Variants in DAB1 observed in about 807,000 individuals in gnomAD.
DAB1 encodes the protein DAB adaptor protein 1.
In DAB1, 15 loss-of-function variants were observed where a neutral mutation model predicts 64.6. The ratio of observed to expected loss-of-function variants is 0.23; its 90% CI spans 0.16 to 0.36. The LOEUF (loss-of-function observed/expected upper bound fraction) is 0.36, where lower values mean the gene tolerates loss of function less well. Among genes scored for constraint, DAB1 ranks in the 10% least tolerant of loss-of-function variants. The pLI is 1.00. For missense variants in DAB1, 596 were observed against 706.7 expected (o/e 0.84, Z 1.78); for synonymous variants, 235 against 251.9 (o/e 0.93, Z 0.64).
intron 4 of DAB1, among the ~76,000 whole-genome samples, chr1:58,226,028 G>A (rs1659461648): frequency 1.3e-5 from 2 of 150,090 alleles, no homozygotes; most frequent in Admixed American, 6.6e-5. Context: ...AAGGGAGCTT[G>A]AGCCAGGATT....
At chr1:57,388,744 TC>T (rs1682096186) in intron 1 of DAB1, among the ~76,000 whole-genome samples, 1 of 152,198 alleles carries the variant, frequency 6.6e-6, no homozygotes, top group African/African-American at 2.4e-5. Flanking sequence ...ACAGCTCGTT[TC>T]CCCTTCTGGT....
chr1:57,233,286 G>T (rs2764662), intron 2 of DAB1, among the ~76,000 whole-genome samples: 52,385 of 92,638 alleles, frequency 0.57, 15,562 homozygotes, highest in East Asian at 0.78. Flanking sequence ...TTTTTGAGAC[G>T]GAGTCTCGCT....
chr1:58,156,443 C>T (rs917453372), intron 4 of DAB1, among the ~76,000 whole-genome samples: 1 of 152,180 alleles, frequency 6.6e-6, no homozygotes. Context: ...TCCTCCTACA[C>T]CCTCTATTTC....
At chr1:58,136,385 T>A (rs1274767737) in intron 5 of DAB1, among the ~76,000 whole-genome samples, 2 of 152,134 alleles carry the variant, frequency 1.3e-5, no homozygotes, top group Non-Finnish European at 2.9e-5. Context: ...ACGCCCTGTG[T>A]CCACCAGCCC....
intron 4 of DAB1, among the ~76,000 whole-genome samples, chr1:58,300,598 AAGAAAGAAAGAAAGAGAGAGAG>A (rs1277586531): frequency 2.0e-3 from 74 of 37,632 alleles, no homozygotes; most frequent in South Asian, 3.6e-3. Context: ...GAAAGAAAGA[AAGAAAGAAAGAAAGAGAGAGAG>A]AGAGAGAGAG....
At chr1:57,094,714 T>C (rs1653998870) in intron 4 of DAB1, among the ~76,000 whole-genome samples, 1 of 152,180 alleles carries the variant, frequency 6.6e-6, no homozygotes, top group African/African-American at 2.4e-5. Flanking sequence ...CTCCTATGAG[T>C]AGACCCACTG....
intron 5 of DAB1, among the ~76,000 whole-genome samples, chr1:58,118,381 T>C (rs535376363): frequency 6.1e-4 from 88 of 143,142 alleles, no homozygotes; most frequent in Non-Finnish European, 1.2e-3. Flanking sequence ...ACCATCTCTC[T>C]ATGCTTTGAC....
chr1:57,035,045 G>C (rs536629737), intron 9 of DAB1, among the ~76,000 whole-genome samples: 1 of 152,274 alleles, frequency 6.6e-6, no homozygotes, highest in East Asian at 1.9e-4. Context: ...TTCAATGAGA[G>C]GAAAAGCCAC....
chr1:58,127,974 A>T (rs1653245910), intron 5 of DAB1, among the ~76,000 whole-genome samples: 1 of 152,004 alleles, frequency 6.6e-6, no homozygotes, highest in Non-Finnish European at 1.5e-5. Context: ...ACTTTAAAGT[A>T]GTTTTTTCCA....
chr1:57,075,344 G>A (rs898556432), intron 4 of DAB1, among the ~76,000 whole-genome samples: 1 of 152,156 alleles, frequency 6.6e-6, no homozygotes. Context: ...ATACTGTCTT[G>A]CAGAGTGTAG....
intron 1 of DAB1, among the ~76,000 whole-genome samples, chr1:57,869,379 A>G (rs1654438472): frequency 6.6e-6 from 1 of 152,084 alleles, no homozygotes; most frequent in Non-Finnish European, 1.5e-5. Flanking sequence ...CTCCAGTTTC[A>G]AGGTCAATGC....
chr1:57,678,752 G>A (rs1306913526), intron 6 of DAB1, among the ~76,000 whole-genome samples: 1 of 147,386 alleles, frequency 6.8e-6, no homozygotes, highest in Non-Finnish European at 1.5e-5. Flanking sequence ...TTCGTCCAGT[G>A]AGGCAACTGT....
At chr1:57,165,489 G>A (rs1014419472) in intron 2 of DAB1, among the ~76,000 whole-genome samples, 4 of 152,208 alleles carry the variant, frequency 2.6e-5, no homozygotes, top group African/African-American at 9.6e-5. Flanking sequence ...GTTTAATTCA[G>A]TCAACATTTT....
intron 6 of DAB1, among the ~76,000 whole-genome samples, chr1:57,663,463 T>C (rs962464512): frequency 6.6e-6 from 1 of 152,226 alleles, no homozygotes; most frequent in African/African-American, 2.4e-5. Flanking sequence ...TCAAAGGATT[T>C]CTGGCCTCAG....
chr1:57,263,485 A>G (rs972978801), intron 2 of DAB1, among the ~76,000 whole-genome samples: 2 of 152,164 alleles, frequency 1.3e-5, no homozygotes, highest in African/African-American at 2.4e-5. Flanking sequence ...AAAATGTTTC[A>G]TGAAATACCT....
chr1:57,121,941 T>C (rs754945884), intron 4 of DAB1, among the ~76,000 whole-genome samples: 3 of 151,546 alleles, frequency 2.0e-5, no homozygotes, highest in Non-Finnish European at 2.9e-5. Flanking sequence ...TTGTGGGGGG[T>C]CAGCCGGAGA....
chr1:57,788,967 A>G (rs1364971293), intron 6 of DAB1, among the ~76,000 whole-genome samples: 1 of 151,996 alleles, frequency 6.6e-6, no homozygotes, highest in African/African-American at 2.4e-5. Context: ...CATCTCCATG[A>G]CCCCACTTCT....
chr1:57,628,211 C>A (rs1314836996), intron 7 of DAB1, among the ~76,000 whole-genome samples: 1 of 152,180 alleles, frequency 6.6e-6, no homozygotes, highest in Non-Finnish European at 1.5e-5. Context: ...CTTTGTCTGG[C>A]ACTCCAGGGA....
intron 3 of DAB1, among the ~76,000 whole-genome samples, chr1:58,356,945 G>A (rs191468479): frequency 6.8e-6 from 1 of 146,886 alleles, no homozygotes; most frequent in Admixed American, 7.1e-5. Context: ...GGATTGCTTT[G>A]TGCCCAGGGA....
Sources: allele counts gnomAD v4.1 joint callset (sites outside exome capture counted in the v4.1 genomes callset), GRCh38; gene constraint gnomAD v4.1.1; transcripts MANE v1.5; gene names NCBI Gene and HGNC (gene_info 2026-07-23, HGNC 2026-07-21).